Variants in SCD5 observed in about 807,000 individuals in gnomAD.
SCD5 encodes the protein stearoyl-CoA desaturase 5, also known as acyl-CoA-desaturase 4.
In SCD5, 20 loss-of-function variants were observed where a neutral mutation model predicts 30.4. The ratio of observed to expected loss-of-function variants is 0.66; its 90% CI spans 0.46 to 0.96. The LOEUF (loss-of-function observed/expected upper bound fraction) is 0.96, where lower values mean the gene tolerates loss of function less well. SCD5 is among the 40% of genes least tolerant of loss of function. The pLI, the probability that SCD5 is intolerant of heterozygous loss-of-function variation, is 0.00. For missense variants in SCD5, 381 were observed against 443.3 expected, an observed-to-expected ratio of 0.86 and a Z score of 1.26; for synonymous variants, 173 against 176.4, an observed-to-expected ratio of 0.98 and a Z score of 0.16.
At chr4:82,773,946 T>C (rs994203999) in intron 1 of SCD5, among the ~76,000 whole-genome samples, 1 of 151,844 alleles carries the variant, frequency 6.6e-6, no homozygotes, top group African/African-American at 2.4e-5. Context: ...AAAATTAGCC[T>C]GGCATGGTGG....
chr4:82,790,254 G>GAGGAGGTGAGAGC (rs1334414661), intron 1 of SCD5, among the ~76,000 whole-genome samples: 1 of 152,182 alleles, frequency 6.6e-6, no homozygotes, highest in African/African-American at 2.4e-5. Flanking sequence ...GGGCTGAGAG[G>GAGGAGGTGAGAGC]AGGAGGTGAG....
chr4:82,694,330 G>A (rs955468813), intron 2 of SCD5, among the ~76,000 whole-genome samples: 13 of 152,198 alleles, frequency 8.5e-5, no homozygotes, highest in African/African-American at 3.1e-4. Flanking sequence ...CCTTCTGCTG[G>A]GCGGAGGGGC....
intron 3 of SCD5, among the ~76,000 whole-genome samples, chr4:82,652,732 G>A (rs775363455): frequency 2.0e-5 from 3 of 152,100 alleles, no homozygotes; most frequent in Non-Finnish European, 4.4e-5. Flanking sequence ...ACTTATACTG[G>A]GCTTATTAGA....
chr4:82,753,916 T>C (rs1261643865), intron 1 of SCD5, among the ~76,000 whole-genome samples: 1 of 152,122 alleles, frequency 6.6e-6, no homozygotes, highest in African/African-American at 2.4e-5. Context: ...GAAAGCCTCG[T>C]TGCTGCCAGC....
At chr4:82,759,399 G>A (rs11732247) in intron 1 of SCD5, among the ~76,000 whole-genome samples, 27,705 of 152,012 alleles carry the variant, frequency 0.18, 3,467 homozygotes, top group African/African-American at 0.35. Flanking sequence ...GCGGCCCTCC[G>A]TAACAACAAA....
intron 3 of SCD5, among the ~76,000 whole-genome samples, chr4:82,680,335 G>A (rs1278959658): frequency 6.6e-6 from 1 of 152,180 alleles, no homozygotes; most frequent in Non-Finnish European, 1.5e-5. Flanking sequence ...TTGGAGTCAA[G>A]TAGAGTCAAG....
At chr4:82,719,062 A>C (rs960975671) in intron 1 of SCD5, among the ~76,000 whole-genome samples, 5 of 151,812 alleles carry the variant, frequency 3.3e-5, no homozygotes. Context: ...GGCAGCCCCC[A>C]GGCCACAACC....
intron 1 of SCD5, among the ~76,000 whole-genome samples, chr4:82,722,709 G>T (rs1033330641): frequency 6.6e-6 from 1 of 151,342 alleles, no homozygotes; most frequent in African/African-American, 2.4e-5. Flanking sequence ...AGGTTGCAGT[G>T]AGCCGAAATT....
At chr4:82,646,495 A>G (rs145078221) in intron 3 of SCD5, among the ~76,000 whole-genome samples, 10 of 152,294 alleles carry the variant, frequency 6.6e-5, no homozygotes, top group East Asian at 3.9e-4. Flanking sequence ...TAAGTTGAAA[A>G]TGGGTTTTCT....
At chr4:82,669,295 C>T (rs1009038663) in intron 3 of SCD5, among the ~76,000 whole-genome samples, 1 of 106,030 alleles carries the variant, frequency 9.4e-6, no homozygotes, top group African/African-American at 3.8e-5. Context: ...ACAGGCATGG[C>T]TACATAACGT....
rs778475606 is a variant in SCD5 at position 82,631,307 on chromosome 4, G to A, written c.*20C>T. 8 of 1,607,506 alleles carry A rather than the reference G, an allele frequency of 5.0e-6. No homozygotes were observed. Among genetic ancestry groups the A allele is most frequent in the Admixed American group, 1.7e-5 (1 of 59,864 alleles). ...GAACCGAGGTTGCAACGGCAGACATGTGGGATGGCTGTTCCAAGTTCAAGC... is the reference window on the plus strand; with the variant it reads ...GAACCGAGGTTGCAACGGCAGACATATGGGATGGCTGTTCCAAGTTCAAGC... On this transcript the variant is annotated 3_prime_UTR_variant, in exon 5 of 5. Coordinates refer to ENST00000319540, the MANE Select transcript of SCD5 (RefSeq NM_001037582.3).
At chr4:82,712,297 T>TATACA (rs1560540874) in intron 1 of SCD5, among the ~76,000 whole-genome samples, 7 of 33,726 alleles carry the variant, frequency 2.1e-4, no homozygotes, top group Non-Finnish European at 3.8e-4. Context: ...TATATATATA[T>TATACA]TTTATTTTTA....
chr4:82,654,974 C>T (rs184843808), intron 3 of SCD5, among the ~76,000 whole-genome samples: 2 of 152,290 alleles, frequency 1.3e-5, no homozygotes, highest in Non-Finnish European at 1.5e-5. Context: ...AAACTCTGTT[C>T]CTGAAGAATG....
chr4:82,646,371 C>G (rs1727633980), intron 3 of SCD5, among the ~76,000 whole-genome samples: 1 of 152,130 alleles, frequency 6.6e-6, no homozygotes, highest in Admixed American at 6.5e-5. Context: ...TCTGGCATTG[C>G]CCACAGGGAA....
At chr4:82,693,662 G>C (rs1255773888) in intron 2 of SCD5, among the ~76,000 whole-genome samples, 1 of 152,194 alleles carries the variant, frequency 6.6e-6, no homozygotes, top group Non-Finnish European at 1.5e-5. Context: ...CCTGGGGTGA[G>C]AGGCAAGCCC....
intron 1 of SCD5, among the ~76,000 whole-genome samples, chr4:82,758,348 C>T (rs1721274348): frequency 6.6e-6 from 1 of 152,092 alleles, no homozygotes; most frequent in African/African-American, 2.4e-5. Flanking sequence ...ACCTGTAGTC[C>T]CAGATACTTG....
chr4:82,703,299 A>C (rs1719896406), intron 2 of SCD5, among the ~76,000 whole-genome samples: 1 of 152,254 alleles, frequency 6.6e-6, no homozygotes, highest in Non-Finnish European at 1.5e-5. Context: ...CCTAACAATC[A>C]TTAATTGTTT....
intron 3 of SCD5, among the ~76,000 whole-genome samples, chr4:82,666,378 T>C (rs961954117): frequency 2.6e-5 from 4 of 152,196 alleles, no homozygotes; most frequent in Admixed American, 1.3e-4. Flanking sequence ...TAGCCGGGCG[T>C]GGTGGCGGGC....
At chr4:82,741,432 A>C (rs1427485386) in intron 1 of SCD5, among the ~76,000 whole-genome samples, 2 of 152,164 alleles carry the variant, frequency 1.3e-5, no homozygotes, top group African/African-American at 4.8e-5. Context: ...AGAAGCCATG[A>C]GACAGAAAAC....
Sources: gnomAD v4.1 joint callset for allele counts (sites outside exome capture counted in the v4.1 genomes callset) on GRCh38, gnomAD v4.1.1 for gene constraint, MANE v1.5 for transcripts, NCBI Gene and HGNC (gene_info 2026-07-23, HGNC 2026-07-21) for gene names.